ORC6: variants seen among roughly 807,000 people sequenced by gnomAD.
ORC6 encodes the protein origin recognition complex subunit 6, also known as origin recognition complex, subunit 6 homolog-like (yeast).
Under a neutral mutation model 30.0 loss-of-function variants are expected in ORC6, and 31 were observed. That is an observed-to-expected ratio of 1.03 (90% CI 0.78 to 1.40). ORC6 has a LOEUF of 1.40. Among genes scored for constraint, ORC6 ranks in the 40% most tolerant of loss-of-function variants. The probability of loss-of-function intolerance (pLI) is 0.00; values close to 1 mark genes in which losing one functional copy is unlikely to be tolerated. For missense variants in ORC6, 340 were observed against 304.3 expected, an observed-to-expected ratio of 1.12 and a Z score of -0.87; for synonymous variants, 136 against 111.2, an observed-to-expected ratio of 1.22 and a Z score of -1.40.
At chr16:46,695,294 A>G in intron 4 of ORC6, 1 of 403,494 alleles carries the variant, frequency 2.5e-6, no homozygotes, top group Non-Finnish European at 4.5e-6. Context: ...GAGATTTACT[A>G]AAGAGTTCTA....
At chr16:46,690,532 G>A (rs749993509) in intron 1 of ORC6, among the ~76,000 whole-genome samples, 4 of 152,194 alleles carry the variant, frequency 2.6e-5, no homozygotes, top group Non-Finnish European at 5.9e-5. Flanking sequence ...CTTGTCACTT[G>A]TTAGAAATAC....
At chr16:46,692,650 A>G (rs978612645) in intron 3 of ORC6, 105 bp downstream of exon 3, 45 of 969,612 alleles carry the variant, frequency 4.6e-5, no homozygotes, top group African/African-American at 1.6e-4. Flanking sequence ...TGGGTGGATC[A>G]TGTGGTCAGG....
rs1284207729 is a variant in ORC6 at position 46,697,943 on chromosome 16, C to G, written c.*358C>G. The stretch of plus-strand genomic sequence containing the variant: ...CAGCCTGGCCAACATGGTGAAACCC[C>G]ATCTCTACTAAAAATACAAAAATTA... On this transcript the variant is annotated 3_prime_UTR_variant, in exon 7 of 7. Coordinates refer to ENST00000219097, the MANE Select transcript of ORC6 (RefSeq NM_014321.4). 10 of 447,656 alleles carry G rather than the reference C, an allele frequency of 2.2e-5. No homozygotes were observed. Among genetic ancestry groups the G allele is most frequent in the Non-Finnish European group, 3.1e-5 (7 of 222,650 alleles). 27.7% of individuals were successfully genotyped at this position (447,656 alleles called of 1,614,324 possible).
At chr16:46,690,085 G>C (rs1966414962) in intron 1 of ORC6, among the ~76,000 whole-genome samples, 1 of 152,238 alleles carries the variant, frequency 6.6e-6, no homozygotes, top group Non-Finnish European at 1.5e-5. Context: ...TTATAGCGGG[G>C]AACCCGACAA....
At chr16:46,690,558 ACC>A in intron 1 of ORC6, among the ~76,000 whole-genome samples, 7 of 152,308 alleles carry the variant, frequency 4.6e-5, no homozygotes, top group African/African-American at 1.7e-4. Context: ...CTTGGGTCCC[ACC>A]TCAAGCCTGC....
Position 46,689,738 on chromosome 16 carries a change from G to T in ORC6, c.33G>T (p.Pro11=). Residue 11 remains proline, a synonymous_variant, in exon 1 of 7, where the codon CCG becomes CCT. Transcript: ENST00000219097. The stretch of plus-strand genomic sequence containing the variant: ...CGGAGCTGATCGGGCGCCTAGCCCC[G>T]CGCCTGGGCCTCGCCGAGCCCGACA... MGSELIGRLA[P]RLGLAEPDML... is the part of the protein sequence containing the mutation. The T allele has an allele frequency of 6.2e-7, 1 of 1,602,104 alleles. No individual in the cohort carries two copies. Among genetic ancestry groups the T allele is most frequent in the African/African-American group, 1.3e-5 (1 of 74,960 alleles).
At chr16:46,692,327 T>G (rs1046577975) in intron 2 of ORC6, 55 bp from the exon 3 acceptor site, 183 of 1,419,754 alleles carry the variant, frequency 1.3e-4, no homozygotes, top group Non-Finnish European at 1.7e-4. Context: ...TTAAGGGTAC[T>G]AATATATAGA....
rs1310045517 is a variant in ORC6 at position 46,692,510 on chromosome 16, A to T, written c.324A>T (p.Ile108=). 1 of 1,613,960 alleles carries T rather than the reference A, an allele frequency of 6.2e-7. No individual in the cohort carries two copies. Among genetic ancestry groups the T allele is most frequent in the Admixed American group, 1.7e-5 (1 of 60,028 alleles). ...IRDLAVQFSC[I]EAVNMASKIL... ...ACCTAGCTGTACAGTTTAGCTGTAT[A>T]GAAGCAGTGAACATGGCTTCAAAGA... The change falls in exon 3 of 7, where the codon ATA becomes ATT. Residue 108 remains isoleucine (I), a synonymous_variant. Transcript: ENST00000219097.
intron 1 of ORC6, chr16:46,690,751 AT>A (rs1262674164): frequency 3.6e-6 from 2 of 562,520 alleles, no homozygotes; most frequent in East Asian, 3.3e-5. Context: ...AAGAAGGGTA[AT>A]TTTTTTGTCA....
intron 6 of ORC6, 21 bp from the exon 7 acceptor site, chr16:46,697,437 C>G: frequency 6.2e-7 from 1 of 1,605,290 alleles, no homozygotes. Context: ...TTTGAAATTG[C>G]TTTTGATAAT....
At chr16:46,693,336 T>C (rs1033679624) in intron 4 of ORC6, 154 bp downstream of exon 4, 2 of 650,572 alleles carry the variant, frequency 3.1e-6, no homozygotes, top group Non-Finnish European at 5.6e-6. Flanking sequence ...ATATTCCCAG[T>C]TTATCCCATA....
At chr16:46,693,495 C>G (rs919883908) in intron 4 of ORC6, 1 of 417,026 alleles carries the variant, frequency 2.4e-6, no homozygotes, top group Admixed American at 3.9e-5. Flanking sequence ...TTTTTCTGCT[C>G]ATATTTTTTA....
intron 2 of ORC6, among the ~76,000 whole-genome samples, chr16:46,691,970 T>A (rs1966448587): frequency 7.0e-6 from 1 of 143,548 alleles, no homozygotes; most frequent in African/African-American, 2.7e-5. Flanking sequence ...TCTCTCTCTC[T>A]CTCTCTCTCT....
At chr16:46,690,626 G>C (rs913326035) in intron 1 of ORC6, among the ~76,000 whole-genome samples, 7 of 152,268 alleles carry the variant, frequency 4.6e-5, no homozygotes, top group Admixed American at 6.5e-5. Context: ...GGTGATTTTC[G>C]CCTACCATCA....
rs1555468068 is a variant in ORC6 at position 46,698,215 on chromosome 16, A to AGATAGAT, written c.*630_*631insGATAGAT. On this transcript the variant is annotated 3_prime_UTR_variant, in exon 7 of 7. Transcript: ENST00000219097. ...TAGATAGATAGATAGATAGATAGATAAACGGAATTGGAGCCATTTTGCTTT... is the reference window on the plus strand; with the variant it reads ...TAGATAGATAGATAGATAGATAGATAGATAGATAACGGAATTGGAGCCATTTTGCTTT... The AGATAGAT allele has an allele frequency of 6.6e-6, 3 of 454,860 alleles. No individual in the cohort carries two copies. Among genetic ancestry groups the AGATAGAT allele is most frequent in the South Asian group, 1.6e-5 (1 of 64,374 alleles). 28.2% of individuals were successfully genotyped at this position (454,860 alleles called of 1,614,324 possible).
chr16:46,690,951 T>G (rs774787371), intron 1 of ORC6, 40 bp from the exon 2 acceptor site: 1 of 1,612,942 alleles, frequency 6.2e-7, no homozygotes, highest in Middle Eastern at 1.7e-4. Context: ...TGAGCAAACT[T>G]CTGAATAAGT....
intron 6 of ORC6, among the ~76,000 whole-genome samples, 155 bp from the exon 7 acceptor site, chr16:46,697,303 T>C (rs529357218): frequency 6.6e-6 from 1 of 152,312 alleles, no homozygotes; most frequent in Non-Finnish European, 1.5e-5. Flanking sequence ...TGAGCAACAT[T>C]ACAAGACCCC....
At position 46,697,655 on chromosome 16, in the gene ORC6, T is replaced by C. The variant is rs1194558328; in HGVS notation, c.*70T>C. 2.7e-6 allele frequency: 4 copies of C among 1,503,698 alleles called. No homozygotes were observed. The highest frequency in any genetic ancestry group is 2.8e-6 in the Non-Finnish European group (3 of 1,080,120). The allele number at this position is 1,503,698 out of a possible 1,614,324, so 93.1% of individuals were successfully genotyped here. ...GCCATCTCCAGGAAGACTTGACGGCTTTGGGATTTTGTTTAAACTTTTATA... is the reference window on the plus strand; with the variant it reads ...GCCATCTCCAGGAAGACTTGACGGCCTTGGGATTTTGTTTAAACTTTTATA... On this transcript the variant is annotated 3_prime_UTR_variant, in exon 7 of 7. Transcript: ENST00000219097.
chr16:46,693,498 A>T (rs1567274306), intron 4 of ORC6: 1 of 402,398 alleles, frequency 2.5e-6, no homozygotes, highest in Non-Finnish European at 4.6e-6. Context: ...TTCTGCTCAT[A>T]TTTTTTAAAA....
Sources: allele counts gnomAD v4.1 joint callset (sites outside exome capture counted in the v4.1 genomes callset), GRCh38; gene constraint gnomAD v4.1.1; transcripts MANE v1.5; gene names NCBI Gene and HGNC (gene_info 2026-07-23, HGNC 2026-07-21).